ANKHD1: variants seen among roughly 807,000 people sequenced by gnomAD.
ANKHD1 encodes ankyrin repeat and KH domain containing 1, also known as ankyrin repeat and KH domain-containing protein 1.
A neutral mutation model predicts 230.5 loss-of-function variants in ANKHD1; 31 were observed. The ratio of observed to expected loss-of-function variants is 0.13; its 90% CI spans 0.10 to 0.18. ANKHD1 has a LOEUF of 0.18. Ranked by LOEUF, ANKHD1 falls within the 10% of genes least tolerant of loss-of-function variation. The pLI, the probability that ANKHD1 is intolerant of heterozygous loss-of-function variation, is 1.00. For synonymous variants in ANKHD1, 1,074 were observed against 1,117.6 expected (o/e 0.96, Z 0.78); for missense variants, 2,256 against 3,071.3 (o/e 0.73, Z 6.27).
In ANKHD1 at chr5:140,406,253, T is replaced by A. The variant is rs867526102; in HGVS notation, c.306+3980T>A. 5.7e-3 allele frequency among the ~76,000 whole-genome samples: 841 copies of A among 148,642 alleles called. 3 individuals are homozygous for A. The highest frequency in any genetic ancestry group is 0.014 in the Middle Eastern group (4 of 286). ...ACTCTGTCTCAAAAAAAAAAAAAAATAAATTATTTTAGAAACAAGTACCTA... is the reference window on the plus strand; with the variant it reads ...ACTCTGTCTCAAAAAAAAAAAAAAAAAAATTATTTTAGAAACAAGTACCTA... On this transcript the variant is annotated intron_variant, in intron 1 of 33. Coordinates refer to ENST00000360839, the MANE Select transcript of ANKHD1 (RefSeq NM_017747.3).
Position 140,430,652 on chromosome 5 carries a change from CTTTTTT to C in ANKHD1, c.307-5438_307-5433del, listed in dbSNP as rs34643827. 9.6e-5 allele frequency among the ~76,000 whole-genome samples: 11 copies of C among 114,704 alleles called. No homozygotes were observed. The Admixed American group carries it at 1.0e-3, about 11-fold the overall frequency. 75.3% of individuals were successfully genotyped at this position (114,704 alleles called of 152,430 possible). On this transcript the variant is annotated intron_variant, in intron 1 of 33. Transcript: ENST00000360839. ...CCACGTAGCTATAAATGGTTTCCAT[CTTTTTT>C]TTTTTTTTTTTTTGACAGAGTCTCA...
intron 1 of ANKHD1, among the ~76,000 whole-genome samples, chr5:140,423,559 C>G (rs1772161141): frequency 6.6e-6 from 1 of 152,204 alleles, no homozygotes; most frequent in South Asian, 2.1e-4. Context: ...ACTCGCCAAG[C>G]CTGTGATGCT....
intron 10 of ANKHD1, among the ~76,000 whole-genome samples, chr5:140,480,118 A>G (rs1028405346): frequency 5.3e-5 from 8 of 151,914 alleles, no homozygotes; most frequent in Non-Finnish European, 8.8e-5. Flanking sequence ...TGGGATATAC[A>G]TTATTCATTT....
In ANKHD1 at chr5:140,526,179, T is replaced by C; in HGVS notation, c.4676T>C (p.Leu1559Ser). 6.2e-7 allele frequency: 1 copy of C among 1,613,714 alleles called. No homozygotes were observed. Among genetic ancestry groups the C allele is most frequent in the South Asian group, 1.1e-5 (1 of 90,994 alleles). The change falls in exon 26 of 34, where the codon TTA (leucine) becomes TCA (serine). Residue 1559 changes from leucine to serine, a missense_variant. By Grantham distance (145) the Leu-to-Ser change is moderately radical. This residue lies in a region of ANKHD1 where 212 missense variants were observed against 257.3 expected (regional missense o/e 0.82). Transcript: ENST00000360839. ...AAAGAAACCCCTCCTACAGCACATTTAATTTTACCAGAACAACATATGTCT... is the reference window on the plus strand; with the variant it reads ...AAAGAAACCCCTCCTACAGCACATTCAATTTTACCAGAACAACATATGTCT... ...KTKETPPTAH[L>S]ILPEQHMSLA...
chr5:140,490,440 G>A (rs894008650), intron 14 of ANKHD1, among the ~76,000 whole-genome samples: 4 of 152,082 alleles, frequency 2.6e-5, no homozygotes, highest in South Asian at 2.1e-4. Flanking sequence ...ATAACCTCCC[G>A]ATTTAGGCAA....
intron 30 of ANKHD1, 114 bp from the exon 31 acceptor site, chr5:140,537,275 G>T: frequency 1.4e-6 from 2 of 1,450,270 alleles, no homozygotes; most frequent in Non-Finnish European, 9.1e-7. Context: ...TTCCAACAAG[G>T]TTTCTCATAT....
In ANKHD1 at chr5:140,485,483, G is replaced by C; in HGVS notation, c.1999-106G>C. ...TGTGTATAGTTATAAAAATATGTTT[G>C]ATCTATCTTAGTGCTTAGTATTTAA... On this transcript the variant is annotated intron_variant, in intron 12 of 33. Transcript: ENST00000360839. The surrounding 1 kb of genome is among the most constrained non-coding windows in gnomAD (Gnocchi z 4.8). 1 of 1,433,910 alleles carries C rather than the reference G, an allele frequency of 7.0e-7. No homozygotes were observed. Among genetic ancestry groups the C allele is most frequent in the South Asian group, 1.5e-5 (1 of 68,492 alleles). The allele number at this position is 1,433,910 out of a possible 1,614,324, so 88.8% of individuals were successfully genotyped here. A position where few individuals can be genotyped will look rare whatever the true frequency, so the allele number is the denominator to read the frequency against.
rs1042401454 is a variant in ANKHD1, at chr5:140,506,217, T to C, written c.3408+348T>C. Among the ~76,000 whole-genome samples the C allele has an allele frequency of 5.9e-5, 9 of 152,190 alleles. No individual in the cohort carries two copies. Among genetic ancestry groups the C allele is most frequent in the African/African-American group, 2.2e-4 (9 of 41,442 alleles). On this transcript the variant is annotated intron_variant, in intron 18 of 33. Coordinates refer to ENST00000360839, the MANE Select transcript of ANKHD1 (RefSeq NM_017747.3). This position sits in a 1 kb window ranked among gnomAD's most constrained non-coding sequence, Gnocchi z 4.7. ...CAGGGATTATAGTTATGGGCCAGCA[T>C]GCCTGGCCCTGCACGTATTTTAACA...
chr5:140,427,299 C>T (rs1280626731), intron 1 of ANKHD1, among the ~76,000 whole-genome samples: 12 of 143,804 alleles, frequency 8.3e-5, no homozygotes, highest in African/African-American at 2.6e-4. Context: ...CCCTCCCGGA[C>T]GGGGCGGCTG....
intron 14 of ANKHD1, among the ~76,000 whole-genome samples, chr5:140,488,165 T>G (rs1158708038): frequency 6.6e-6 from 1 of 152,222 alleles, no homozygotes; most frequent in African/African-American, 2.4e-5. Flanking sequence ...TCAGCTGATA[T>G]TTAACCTTTA....
chr5:140,537,579 T>G lies in ANKHD1; in HGVS notation c.7218T>G (p.Asn2406Lys), dbSNP rs775673481. The stretch of plus-strand genomic sequence containing the variant: ...GTGGAATCTGGTCATTTGGTGTCAA[T>G]GCTGTGTCAGGTACAATTGCCTTGC... ...GHSGIWSFGV[N>K]AVSEGLSGWS... The change falls in exon 31 of 34, where the codon AAT becomes AAG. Residue 2406 changes from asparagine to lysine, a missense_variant. By Grantham distance (94) the Asn-to-Lys change is moderately conservative. This residue lies in a region of ANKHD1 where 778 missense variants were observed against 966.5 expected (regional missense o/e 0.80). Transcript: ENST00000360839. 5 of 1,583,772 alleles carry G rather than the reference T, an allele frequency of 3.2e-6. No individual in the cohort carries two copies. Among genetic ancestry groups the G allele is most frequent in the Admixed American group, 3.6e-5 (2 of 56,060 alleles).
chr5:140,509,738 T>C lies in ANKHD1; in HGVS notation c.3867T>C (p.Pro1289=), dbSNP rs778450522. ...CAGATGTTAATGCTCCCCCTGTGCC[T>C]TCCTCAAGAGATACTGCTTTAACAA... is the stretch of plus-strand genomic sequence containing the variant. ...KGADVNAPPV[P]SSRDTALTIA... Residue 1289 remains proline (P), a synonymous_variant, in exon 21 of 34, where the codon CCT becomes CCC. Transcript: ENST00000360839. 6.8e-6 allele frequency: 11 copies of C among 1,613,598 alleles called. No individual in the cohort carries two copies. The South Asian group carries it at 1.2e-4, about 18-fold the overall frequency.
In ANKHD1 at chr5:140,504,976, T is replaced by C. The variant is rs1752481610; in HGVS notation, c.3150+10T>C. 1 of 1,612,772 alleles carries C rather than the reference T, an allele frequency of 6.2e-7. No homozygotes were observed. The highest frequency in any genetic ancestry group is 1.3e-5 in the African/African-American group (1 of 74,852). ...TGACATTGATGCACATGTGAGTAGA[T>C]TGCTTTATTTAAACTTATTTTGCAC... On this transcript the variant is annotated intron_variant, in intron 16 of 33. Transcript: ENST00000360839.
At chr5:140,413,381 T>C (rs1771095026) in intron 1 of ANKHD1, among the ~76,000 whole-genome samples, 1 of 152,242 alleles carries the variant, frequency 6.6e-6, no homozygotes, top group African/African-American at 2.4e-5. Flanking sequence ...GTATGTTAAA[T>C]GTACAGTTCA....
At position 140,528,471 on chromosome 5, in the gene ANKHD1, C is replaced by G. The variant is rs757258295; in HGVS notation, c.5525C>G (p.Ser1842Cys). 1 of 1,614,180 alleles carries G rather than the reference C, an allele frequency of 6.2e-7. No individual in the cohort carries two copies. Among genetic ancestry groups the G allele is most frequent in the Non-Finnish European group, 8.5e-7 (1 of 1,180,046 alleles). The change falls in exon 29 of 34, where the codon TCT becomes TGT. Residue 1842 changes from serine to cysteine, a missense_variant. Physicochemically the swap from Ser to Cys is moderately radical, Grantham distance 112. Around this residue, in one of 13 missense-constraint regions of ANKHD1, gnomAD observed 778 missense variants for 966.5 expected, o/e 0.80. Coordinates refer to ENST00000360839, the MANE Select transcript of ANKHD1 (RefSeq NM_017747.3). Reference protein sequence around the residue: ...NKNVPTNVRSSFPVSLPLAYP... With the variant: ...NKNVPTNVRSCFPVSLPLAYP... ...AATGTTCCAACAAATGTACGTTCTT[C>G]TTTCCCAGTTTCTCTACCCTTAGCT...
In ANKHD1 at chr5:140,402,290, C is replaced by T. The variant is rs540262672; in HGVS notation, c.306+17C>T. ...GTGTCCGAGGTAAGGCTCCGGGACC[C>T]TCGCCTCCCACACATTGTGAGGCGT... On this transcript the variant is annotated intron_variant, in intron 1 of 33. Transcript: ENST00000360839. 2 of 1,458,834 alleles carry T rather than the reference C, an allele frequency of 1.4e-6. No individual in the cohort carries two copies. The highest frequency in any genetic ancestry group is 1.8e-6 in the Non-Finnish European group (2 of 1,112,324). The allele number at this position is 1,458,834 out of a possible 1,614,324, so 90.4% of individuals were successfully genotyped here. A position where few individuals can be genotyped will look rare whatever the true frequency, so the allele number is the denominator to read the frequency against.
chr5:140,413,581 A>G (rs1771109258), intron 1 of ANKHD1, among the ~76,000 whole-genome samples: 3 of 152,170 alleles, frequency 2.0e-5, no homozygotes, highest in South Asian at 4.1e-4. Context: ...AATTGGAATC[A>G]TGCAGTATTT....
At chr5:140,402,791 G>C (rs1177000302) in intron 1 of ANKHD1, among the ~76,000 whole-genome samples, 1 of 151,988 alleles carries the variant, frequency 6.6e-6, no homozygotes, top group African/African-American at 2.4e-5. Context: ...TTGAGTATTA[G>C]GGATCTCTCG....
chr5:140,515,915 C>T (rs1395799516), intron 24 of ANKHD1, among the ~76,000 whole-genome samples: 1 of 152,214 alleles, frequency 6.6e-6, no homozygotes, highest in Non-Finnish European at 1.5e-5. Flanking sequence ...GAACAAAGTT[C>T]CTCACCAGCA....
Sources: gnomAD v4.1 joint callset for allele counts (sites outside exome capture counted in the v4.1 genomes callset) on GRCh38, gnomAD v4.1.1 for gene constraint, gnomAD v4.1.1 regional missense constraint, Gnocchi (gnomAD v3.1) non-coding constraint, MANE v1.5 for transcripts, NCBI Gene and HGNC (gene_info 2026-07-23, HGNC 2026-07-21) for gene names.